The following ZNF618 variants were observed in gnomAD, a reference collection of about 807,000 sequenced individuals.
ZNF618 encodes the protein neural precursor cell expressed, developmentally down-regulated 10.
Under a neutral mutation model 103.0 loss-of-function variants are expected in ZNF618, and 34 were observed. That is an observed-to-expected ratio of 0.33 (90% CI 0.25 to 0.44). The LOEUF is 0.44. ZNF618 is among the 20% of genes least tolerant of loss of function. The pLI, the probability that ZNF618 is intolerant of heterozygous loss-of-function variation, is 1.00. For synonymous variants in ZNF618, 551 were observed against 542.2 expected, an observed-to-expected ratio of 1.02 and a Z score of -0.23; for missense variants, 1,059 against 1,295.4, an observed-to-expected ratio of 0.82 and a Z score of 2.80.
chr9:114,010,369 G>A (rs373911214), intron 9 of ZNF618, among the ~76,000 whole-genome samples: 8 of 151,630 alleles, frequency 5.3e-5, no homozygotes, highest in Non-Finnish European at 7.4e-5. Context: ...GAAGTTAGAC[G>A]GTACAGGGGA....
At chr9:114,032,118 G>A (rs559010824) in intron 11 of ZNF618, among the ~76,000 whole-genome samples, 15 of 152,312 alleles carry the variant, frequency 9.8e-5, no homozygotes, top group African/African-American at 3.6e-4. Flanking sequence ...TGGCCTCTGG[G>A]GGTGTGGGGC....
At chr9:113,912,647 C>T (rs986839982) in intron 1 of ZNF618, among the ~76,000 whole-genome samples, 1 of 152,152 alleles carries the variant, frequency 6.6e-6, no homozygotes, top group Non-Finnish European at 1.5e-5. Flanking sequence ...ATCAGTGGAA[C>T]GTGATGAGGG....
intron 1 of ZNF618, among the ~76,000 whole-genome samples, chr9:113,877,180 A>C (rs901802493): frequency 1.3e-5 from 2 of 152,110 alleles, no homozygotes; most frequent in African/African-American, 4.8e-5. Flanking sequence ...AATGAAAATT[A>C]AGCTGGAATT....
At chr9:114,036,681 A>T (rs537285913) in intron 13 of ZNF618, among the ~76,000 whole-genome samples, 3 of 152,322 alleles carry the variant, frequency 2.0e-5, no homozygotes, top group East Asian at 1.9e-4. Flanking sequence ...GCCAAGTAGG[A>T]GCTAGCCTGG....
chr9:113,964,580 T>C (rs1452852150), intron 1 of ZNF618, among the ~76,000 whole-genome samples: 2 of 152,040 alleles, frequency 1.3e-5, no homozygotes, highest in Non-Finnish European at 2.9e-5. Context: ...TAAATCTTTA[T>C]CTCTTCATCT....
chr9:113,947,900 C>T (rs888628391), intron 1 of ZNF618, among the ~76,000 whole-genome samples: 6 of 152,162 alleles, frequency 3.9e-5, no homozygotes, highest in Non-Finnish European at 7.3e-5. Context: ...CTTTGAAGTC[C>T]TTTTAAGTTG....
chr9:113,951,485 ATATGTGTG>A (rs1424848158), intron 1 of ZNF618, among the ~76,000 whole-genome samples: 1 of 99,356 alleles, frequency 1.0e-5, no homozygotes, highest in African/African-American at 3.5e-5. Context: ...GTGTACACAT[ATATGTGTG>A]TATGTGTACA....
chr9:113,883,029 G>A (rs1220726031), intron 1 of ZNF618, among the ~76,000 whole-genome samples: 1 of 152,256 alleles, frequency 6.6e-6, no homozygotes, highest in African/African-American at 2.4e-5. Flanking sequence ...GAGATCACCG[G>A]TTATTCATTT....
At chr9:114,033,772 A>G (rs1265165947) in intron 12 of ZNF618, among the ~76,000 whole-genome samples, 1 of 152,098 alleles carries the variant, frequency 6.6e-6, no homozygotes, top group Non-Finnish European at 1.5e-5. Context: ...GAAGGCACCC[A>G]CTCACTTTCT....
At chr9:114,044,052 T>G (rs1430151590) in intron 13 of ZNF618, among the ~76,000 whole-genome samples, 2 of 152,188 alleles carry the variant, frequency 1.3e-5, no homozygotes, top group Non-Finnish European at 2.9e-5. Context: ...CTTTTGTGTT[T>G]AAGTCCCATC....
chr9:114,027,411 G>A (rs1205755859), intron 10 of ZNF618, among the ~76,000 whole-genome samples: 3 of 152,342 alleles, frequency 2.0e-5, no homozygotes, highest in East Asian at 1.9e-4. Flanking sequence ...CTCCCAGCAC[G>A]TGGCCACCAC....
At chr9:113,916,876 G>C (rs1053270626) in intron 1 of ZNF618, among the ~76,000 whole-genome samples, 1 of 152,180 alleles carries the variant, frequency 6.6e-6, no homozygotes, top group Admixed American at 6.5e-5. Flanking sequence ...CTCCAGCAAT[G>C]GTACCTTCTT....
chr9:114,004,560 C>T (rs1012752676), intron 6 of ZNF618, among the ~76,000 whole-genome samples: 6 of 152,194 alleles, frequency 3.9e-5, no homozygotes, highest in African/African-American at 7.2e-5. Flanking sequence ...TGGTTGCTGA[C>T]GGCTCTGTAG....
chr9:114,005,050 A>G (rs1841610672), intron 6 of ZNF618, among the ~76,000 whole-genome samples: 1 of 152,200 alleles, frequency 6.6e-6, no homozygotes, highest in African/African-American at 2.4e-5. Flanking sequence ...TATTTATTGG[A>G]TGTCCCTTGT....
rs543376509 is a variant in ZNF618 at position 113,913,493 on chromosome 9, C to T, written c.33+37080C>T. ...GTTGTGAGGAACCTGCAGGAGGGGG[C>T]GACAGCCCTACCCTTGGAGGTATGA... is the stretch of plus-strand genomic sequence containing the variant. On this transcript the variant is annotated intron_variant, in intron 1 of 14. Transcript: ENST00000374126. Among the ~76,000 whole-genome samples the T allele has an allele frequency of 8.3e-4, 127 of 152,378 alleles. 1 individual carries two copies. The highest frequency in any genetic ancestry group is 1.5e-3 in the Non-Finnish European group (105 of 68,038).
At position 113,897,202 on chromosome 9, in the gene ZNF618, CT is replaced by C. The variant is rs375977812; in HGVS notation, c.33+20790del. On this transcript the variant is annotated intron_variant, in intron 1 of 14. Coordinates refer to ENST00000374126, the MANE Select transcript of ZNF618 (RefSeq NM_001318042.2). ...TTTCATCTAATTACAGTTTTTCCCC[CT>C]ATGTACTAGTACAACTAAGAAGATG... Among the ~76,000 whole-genome samples the C allele has an allele frequency of 2.4e-4, 37 of 152,208 alleles. 1 individual carries two copies. Among genetic ancestry groups the C allele is most frequent in the African/African-American group, 8.7e-4 (36 of 41,540 alleles).
At chr9:114,002,488 A>G in intron 5 of ZNF618, 136 bp from the exon 6 acceptor site, 1 of 887,750 alleles carries the variant, frequency 1.1e-6, no homozygotes, top group East Asian at 2.5e-5. Context: ...GACAGGGAGG[A>G]GAGGCTGGCA....
At chr9:113,929,629 G>A (rs1000526317) in intron 1 of ZNF618, among the ~76,000 whole-genome samples, 2 of 152,172 alleles carry the variant, frequency 1.3e-5, no homozygotes, top group African/African-American at 4.8e-5. Context: ...AGGGACAAAT[G>A]TTGGGTGGAC....
At chr9:113,981,678 C>T (rs529752612) in intron 2 of ZNF618, among the ~76,000 whole-genome samples, 1 of 152,220 alleles carries the variant, frequency 6.6e-6, no homozygotes, top group African/African-American at 2.4e-5. Context: ...CTTTGGGCTT[C>T]AGATCCACTG....
Sources: allele counts gnomAD v4.1 joint callset (sites outside exome capture counted in the v4.1 genomes callset), GRCh38; gene constraint gnomAD v4.1.1; transcripts MANE v1.5; gene names NCBI Gene and HGNC (gene_info 2026-07-23, HGNC 2026-07-21).